The following TACO1 variants were observed in gnomAD, a reference collection of about 807,000 sequenced individuals.
The protein encoded by TACO1 is translational activator of cytochrome c oxidase I, also known as translational activator of cytochrome c oxidase 1.
In TACO1, 13 loss-of-function variants were observed where a neutral mutation model predicts 24.0. The observed-to-expected ratio is 0.54, with a 90% CI of 0.35 to 0.86. The LOEUF (loss-of-function observed/expected upper bound fraction) is 0.86, where lower values mean the gene tolerates loss of function less well. Among genes scored for constraint, TACO1 ranks in the 40% least tolerant of loss-of-function variants. The pLI is 0.01. For synonymous variants in TACO1, 149 were observed against 153.5 expected (o/e 0.97, Z 0.22); for missense variants, 352 against 380.1 (o/e 0.93, Z 0.61).
At chr17:63,603,434 G>A (rs960032436) in intron 1 of TACO1, among the ~76,000 whole-genome samples, 6 of 152,042 alleles carry the variant, frequency 3.9e-5, no homozygotes, top group African/African-American at 7.2e-5. Flanking sequence ...GGCCAGGCAC[G>A]GTGCCTCATG....
intron 2 of TACO1, among the ~76,000 whole-genome samples, chr17:63,605,977 G>T (rs2033859065): frequency 6.6e-6 from 1 of 152,164 alleles, no homozygotes; most frequent in Non-Finnish European, 1.5e-5. Flanking sequence ...TGACCGGTGG[G>T]TTTCTTACAG....
intron 1 of TACO1, 148 bp from the exon 2 acceptor site, chr17:63,604,386 C>T: frequency 1.4e-6 from 1 of 721,774 alleles, no homozygotes; most frequent in South Asian, 1.5e-5. Flanking sequence ...CCCACTGAAA[C>T]ACTAGTTAAG....
chr17:63,606,225 G>T, intron 2 of TACO1, 88 bp from the exon 3 acceptor site: 1 of 1,525,482 alleles, frequency 6.6e-7, no homozygotes, highest in Non-Finnish European at 9.1e-7. Flanking sequence ...CCATCCCATG[G>T]AGTTAGTTTT....
intron 1 of TACO1, among the ~76,000 whole-genome samples, chr17:63,602,516 TTTTATTTA>T (rs149776147): frequency 1.3e-5 from 2 of 151,366 alleles, no homozygotes; most frequent in African/African-American, 2.4e-5. Context: ...TTCAAGCAAC[TTTTATTTA>T]TTTATTTATT....
chr17:63,607,805 A>C lies in TACO1; in HGVS notation c.697A>C (p.Ile233Leu). Reference sequence around the variant, plus strand: ...CCTGACTTTCCTTTATCCCTAGTTTATTTGTGATGCCTCTTCACTGCACCA... The same window carrying C: ...CCTGACTTTCCTTTATCCCTAGTTTCTTTGTGATGCCTCTTCACTGCACCA... ...DEEERNVFKF[I>L]CDASSLHQVR... Residue 233 changes from isoleucine (I) to leucine (L), a missense_variant, in exon 5 of 5, where the codon ATT becomes CTT. Ile to Leu is a conservative substitution (Grantham distance 5). Coordinates refer to ENST00000258975, the MANE Select transcript of TACO1 (RefSeq NM_016360.4). 1.2e-6 allele frequency: 2 copies of C among 1,613,744 alleles called. No individual in the cohort carries two copies. The highest frequency in any genetic ancestry group is 1.7e-6 in the Non-Finnish European group (2 of 1,179,976).
Position 63,607,942 on chromosome 17 carries a change from T to C in TACO1, c.834T>C (p.His278=), listed in dbSNP as rs759934355. Residue 278 remains histidine (H), a synonymous_variant, in exon 5 of 5, where the codon CAT becomes CAC. Coordinates refer to ENST00000258975, the MANE Select transcript of TACO1 (RefSeq NM_016360.4). ...AGCCCGACCTGGAACAGGCCGCACA[T>C]CTCATTCAGGCTCTCAGCAACCACG... is the stretch of plus-strand genomic sequence containing the variant. The part of the protein sequence containing the change: ...LAEPDLEQAA[H]LIQALSNHED... 1.2e-6 allele frequency: 2 copies of C among 1,614,162 alleles called. No homozygotes were observed. Among genetic ancestry groups the C allele is most frequent in the Admixed American group, 1.7e-5 (1 of 60,032 alleles).
chr17:63,606,160 T>C (rs978300247), intron 2 of TACO1, among the ~76,000 whole-genome samples, 153 bp from the exon 3 acceptor site: 3 of 152,014 alleles, frequency 2.0e-5, no homozygotes, highest in Middle Eastern at 3.2e-3. Flanking sequence ...CAAAAGTTGG[T>C]TAGAGGGTGG....
Position 63,604,629 on chromosome 17 carries a change from C to T in TACO1, c.376C>T (p.Leu126=), listed in dbSNP as rs2033849187. ...HMPKSTIETA[L]KMEKSKDTYL... ...GCCCAAGTCAACGATTGAGACAGCA[C>T]TGAAAATGGAGGTGTGTACTGTTTG... is the stretch of plus-strand genomic sequence containing the variant. Residue 126 remains leucine (L), a synonymous_variant, in exon 2 of 5, where the codon CTG becomes TTG. Coordinates refer to ENST00000258975, the MANE Select transcript of TACO1 (RefSeq NM_016360.4). 1 of 1,613,946 alleles carries T rather than the reference C, an allele frequency of 6.2e-7. No homozygotes were observed. The highest frequency in any genetic ancestry group is 1.7e-5 in the Admixed American group (1 of 60,014).
chr17:63,604,662 T>G, intron 2 of TACO1, 22 bp downstream of exon 2: 1 of 1,601,782 alleles, frequency 6.2e-7, no homozygotes, highest in Non-Finnish European at 8.6e-7. Flanking sequence ...TTGACATGCT[T>G]TTTATTGATC....
intron 1 of TACO1, among the ~76,000 whole-genome samples, chr17:63,604,013 T>A (rs2033842150): frequency 6.7e-6 from 1 of 150,084 alleles, no homozygotes; most frequent in Non-Finnish European, 1.5e-5. Flanking sequence ...AGTGAGACTT[T>A]GTCTCAAAAA....
In TACO1 at chr17:63,608,112, C is replaced by T. The variant is rs556424821; in HGVS notation, c.*110C>T. ...TAAAGCCGGTGGGAGGCTCAGCAGG[C>T]CAGGAGGCCCAAGGACAGGACTTGC... On this transcript the variant is annotated 3_prime_UTR_variant, in exon 5 of 5. Coordinates refer to ENST00000258975, the MANE Select transcript of TACO1 (RefSeq NM_016360.4). The T allele has an allele frequency of 5.5e-5, 69 of 1,243,788 alleles. 1 individual carries two copies. The South Asian group carries it at 8.1e-4, about 15-fold the overall frequency. The allele number at this position is 1,243,788 out of a possible 1,614,324, so 77.0% of individuals were successfully genotyped here.
At position 63,608,319 on chromosome 17, in the gene TACO1, G is replaced by C. The variant is rs2033879690; in HGVS notation, c.*317G>C. Reference sequence around the variant, plus strand: ...GATTGTAAGTGCCCTGAGGCGCTCTGTACTAGAAACTGCTCTTAATAATAA... The same window carrying C: ...GATTGTAAGTGCCCTGAGGCGCTCTCTACTAGAAACTGCTCTTAATAATAA... On this transcript the variant is annotated 3_prime_UTR_variant, in exon 5 of 5. Coordinates refer to ENST00000258975, the MANE Select transcript of TACO1 (RefSeq NM_016360.4). The C allele has an allele frequency of 2.3e-6, 1 of 432,444 alleles. No homozygotes were observed. The highest frequency in any genetic ancestry group is 4.3e-6 in the Non-Finnish European group (1 of 230,940). 26.8% of individuals were successfully genotyped at this position (432,444 alleles called of 1,614,324 possible).
chr17:63,605,703 A>G (rs1481598177), intron 2 of TACO1, among the ~76,000 whole-genome samples: 1 of 152,052 alleles, frequency 6.6e-6, no homozygotes, highest in African/African-American at 2.4e-5. Context: ...GGCCCTTTTT[A>G]CCTTTGTGAA....
chr17:63,603,715 CA>C (rs1555683738), intron 1 of TACO1, among the ~76,000 whole-genome samples: 1 of 138,928 alleles, frequency 7.2e-6, no homozygotes, highest in Admixed American at 6.7e-5. Flanking sequence ...GACTCTGTCT[CA>C]AAAAAAAGGT....
At chr17:63,607,730 T>C in intron 4 of TACO1, 72 bp from the exon 5 acceptor site, 1 of 1,409,324 alleles carries the variant, frequency 7.1e-7, no homozygotes, top group Admixed American at 1.7e-5. Context: ...CATTCAGGAC[T>C]TTGCAAGGTC....
At chr17:63,602,761 C>T (rs2033831670) in intron 1 of TACO1, among the ~76,000 whole-genome samples, 1 of 151,944 alleles carries the variant, frequency 6.6e-6, no homozygotes. Flanking sequence ...AACTCCTGAC[C>T]TCAAATGATC....
chr17:63,604,896 T>C (rs968259752), intron 2 of TACO1, among the ~76,000 whole-genome samples: 1 of 151,756 alleles, frequency 6.6e-6, no homozygotes, highest in African/African-American at 2.4e-5. Context: ...ATGCTTGTAA[T>C]CCCAGCTACT....
At chr17:63,602,798 G>A (rs1053398146) in intron 1 of TACO1, among the ~76,000 whole-genome samples, 2 of 152,086 alleles carry the variant, frequency 1.3e-5, no homozygotes, top group Admixed American at 1.3e-4. Flanking sequence ...CCAAAGTGCT[G>A]GGATTGCAGG....
rs978633926 is a variant in TACO1, at chr17:63,604,540, G to A, written c.287G>A (p.Gly96Asp). ...LNIRLAVKEGGPNPEHNSNLA... is the reference protein window; with the variant it reads ...LNIRLAVKEGDPNPEHNSNLA... ...CTTTTTCTTTAAATCTCAGAAGGAGGCCCCAACCCTGAGCACAACAGCAAC... is the reference window on the plus strand; with the variant it reads ...CTTTTTCTTTAAATCTCAGAAGGAGACCCCAACCCTGAGCACAACAGCAAC... Residue 96 changes from glycine to aspartate, a missense_variant, in exon 2 of 5, where the codon GGC (glycine) becomes GAC (aspartate). Transcript: ENST00000258975. The A allele has an allele frequency of 5.0e-6, 8 of 1,613,776 alleles. No homozygotes were observed. The South Asian group carries it at 5.5e-5, about 11-fold the overall frequency.
Sources: allele counts gnomAD v4.1 joint callset (sites outside exome capture counted in the v4.1 genomes callset), GRCh38; gene constraint gnomAD v4.1.1; transcripts MANE v1.5; gene names NCBI Gene and HGNC (gene_info 2026-07-23, HGNC 2026-07-21).